RAB3GAP2: variants seen among roughly 807,000 people sequenced by gnomAD.
RAB3GAP2 encodes RAB3 GTPase activating non-catalytic protein subunit 2.
In RAB3GAP2, 87 loss-of-function variants were observed where a neutral mutation model predicts 185.3. That is an observed-to-expected ratio of 0.47 (90% CI 0.39 to 0.56). The LOEUF is 0.56. RAB3GAP2 is among the 20% of genes least tolerant of loss of function. The pLI is 0.00. For missense variants in RAB3GAP2, 1,492 were observed against 1,638.2 expected (o/e 0.91, Z 1.54); for synonymous variants, 554 against 576.1 (o/e 0.96, Z 0.55).
At chr1:220,166,413 G>T (rs1658063029) in intron 26 of RAB3GAP2, among the ~76,000 whole-genome samples, 2 of 152,174 alleles carry the variant, frequency 1.3e-5, no homozygotes, top group Admixed American at 1.3e-4. Flanking sequence ...GACTAAGGAG[G>T]TCTAAGTGAA....
chr1:220,185,518 C>T, intron 18 of RAB3GAP2, 133 bp downstream of exon 18: 1 of 646,656 alleles, frequency 1.5e-6, no homozygotes, highest in Non-Finnish European at 2.7e-6. Context: ...AAATAAGATT[C>T]TTAATTTCTT....
rs946596823 is a variant in RAB3GAP2, at chr1:220,172,176, G to A, written c.2417-127C>T. 13 of 887,504 alleles carry A rather than the reference G, an allele frequency of 1.5e-5. No individual in the cohort carries two copies. The Admixed American group carries it at 1.7e-4, about 12-fold the overall frequency. The allele number at this position is 887,504 out of a possible 1,614,324, so 55.0% of individuals were successfully genotyped here. On this transcript the variant is annotated intron_variant, in intron 22 of 34. Transcript: ENST00000358951. ...ATGTGTTTTTGTATTTCTCAATGAA[G>A]TGGAAGTCTAACAATCTATTTTATT... is the stretch of plus-strand genomic sequence containing the variant.
rs1658086676 is a variant in RAB3GAP2, at chr1:220,167,288, C to T, written c.3087+5G>A. The stretch of plus-strand genomic sequence containing the variant: ...ATAACATGAAAGAGGTAACGAGAAT[C>T]TTACCTCTGGATCTTTATTCCACTG... On this transcript the variant is annotated splice_donor_5th_base_variant and intron_variant, in intron 26 of 34. Coordinates refer to ENST00000358951, the MANE Select transcript of RAB3GAP2 (RefSeq NM_012414.4). 1.2e-6 allele frequency: 2 copies of T among 1,608,368 alleles called. No homozygotes were observed.
At chr1:220,203,706 G>A (rs1418253257) in intron 8 of RAB3GAP2, among the ~76,000 whole-genome samples, 1 of 152,118 alleles carries the variant, frequency 6.6e-6, no homozygotes, top group Admixed American at 6.5e-5. Flanking sequence ...TATTAATGGT[G>A]AGTATTTTAA....
Position 220,190,057 on chromosome 1 carries a change from T to C in RAB3GAP2, c.1714+7A>G. On this transcript the variant is annotated splice_region_variant and intron_variant, in intron 16 of 34. Coordinates refer to ENST00000358951, the MANE Select transcript of RAB3GAP2 (RefSeq NM_012414.4). ...ATGCTTTATTATTTGTATGAGAGAATACCTACCAAGATTGGGAGATTTTGT... is the reference window on the plus strand; with the variant it reads ...ATGCTTTATTATTTGTATGAGAGAACACCTACCAAGATTGGGAGATTTTGT... 6.3e-7 allele frequency: 1 copy of C among 1,584,770 alleles called. No individual in the cohort carries two copies. The highest frequency in any genetic ancestry group is 8.7e-7 in the Non-Finnish European group (1 of 1,153,516).
At chr1:220,157,915 A>C in intron 29 of RAB3GAP2, 39 bp from the exon 30 acceptor site, 7 of 1,488,296 alleles carry the variant, frequency 4.7e-6, no homozygotes, top group Non-Finnish European at 6.5e-6. Flanking sequence ...CCCTGCAGGA[A>C]AACTGCTATA....
intron 1 of RAB3GAP2, among the ~76,000 whole-genome samples, chr1:220,258,360 A>G (rs1660073355): frequency 6.6e-6 from 1 of 152,218 alleles, no homozygotes; most frequent in Non-Finnish European, 1.5e-5. Flanking sequence ...AATTGAATCC[A>G]GCATCACCTC....
Position 220,167,680 on chromosome 1 carries a change from A to G in RAB3GAP2, c.2807-5T>C. ...CTACACTGTCTGCAATGCCACCTAT[A>G]GTTTGGAGACAAGAAAGAAAATAAA... On this transcript the variant is annotated splice_region_variant and splice_polypyrimidine_tract_variant and intron_variant, in intron 24 of 34. Coordinates refer to ENST00000358951, the MANE Select transcript of RAB3GAP2 (RefSeq NM_012414.4). 1 of 1,613,300 alleles carries G rather than the reference A, an allele frequency of 6.2e-7. No individual in the cohort carries two copies. Among genetic ancestry groups the G allele is most frequent in the Non-Finnish European group, 8.5e-7 (1 of 1,179,802 alleles).
intron 1 of RAB3GAP2, among the ~76,000 whole-genome samples, chr1:220,242,956 A>C (rs1479071232): frequency 6.6e-6 from 1 of 152,226 alleles, no homozygotes; most frequent in African/African-American, 2.4e-5. Context: ...TCCCAATGAC[A>C]GAAAATACAC....
chr1:220,183,704 T>C (rs1483070082), intron 19 of RAB3GAP2, among the ~76,000 whole-genome samples: 1 of 152,172 alleles, frequency 6.6e-6, no homozygotes, highest in African/African-American at 2.4e-5. Flanking sequence ...AATAAAAACA[T>C]AGAAAAATAT....
intron 13 of RAB3GAP2, among the ~76,000 whole-genome samples, chr1:220,192,815 G>A (rs1304683508): frequency 2.6e-5 from 4 of 152,290 alleles, no homozygotes; most frequent in Middle Eastern, 3.4e-3. Context: ...TGACACACCA[G>A]GTGGATTGAC....
At chr1:220,237,368 G>T (rs1389076060) in intron 1 of RAB3GAP2, among the ~76,000 whole-genome samples, 2 of 152,192 alleles carry the variant, frequency 1.3e-5, no homozygotes, top group African/African-American at 4.8e-5. Context: ...AAATGACACT[G>T]TTATCAACTG....
intron 23 of RAB3GAP2, 123 bp downstream of exon 23, chr1:220,171,766 A>T: frequency 9.7e-7 from 1 of 1,032,500 alleles, no homozygotes; most frequent in Non-Finnish European, 1.5e-6. Context: ...TAAAGAAATT[A>T]AGGGGAGCAC....
chr1:220,265,025 T>G (rs190331386), intron 1 of RAB3GAP2, among the ~76,000 whole-genome samples: 19 of 152,228 alleles, frequency 1.2e-4, no homozygotes, highest in African/African-American at 4.6e-4. Context: ...AAATCTCAAT[T>G]TCCTCACTGG....
intron 12 of RAB3GAP2, 115 bp downstream of exon 12, chr1:220,194,963 G>T (rs745698788): frequency 4.8e-6 from 5 of 1,034,508 alleles, no homozygotes; most frequent in South Asian, 1.3e-5. Context: ...CCACTGTAAT[G>T]GCTTTCAGAA....
chr1:220,215,760 T>C (rs1258529892), intron 2 of RAB3GAP2, among the ~76,000 whole-genome samples: 1 of 152,182 alleles, frequency 6.6e-6, no homozygotes, highest in East Asian at 1.9e-4. Context: ...TTACAGCTTC[T>C]GGGTTTGATG....
At chr1:220,176,214 CATAAT>C (rs1375584974) in intron 21 of RAB3GAP2, among the ~76,000 whole-genome samples, 1 of 152,014 alleles carries the variant, frequency 6.6e-6, no homozygotes, top group Non-Finnish European at 1.5e-5. Flanking sequence ...TTACATTATT[CATAAT>C]ATATTTATAT....
intron 2 of RAB3GAP2, among the ~76,000 whole-genome samples, chr1:220,217,560 TTCTCCCA>T (rs369278029): frequency 1.1e-3 from 169 of 152,266 alleles, no homozygotes; most frequent in African/African-American, 3.8e-3. Context: ...GTGACTGCAT[TTCTCCCA>T]CACTAGATGA....
At position 220,153,956 on chromosome 1, in the gene RAB3GAP2, G is replaced by T. The variant is rs1261799641; in HGVS notation, c.3645+12C>A. On this transcript the variant is annotated intron_variant, in intron 32 of 34. Transcript: ENST00000358951. Reference sequence around the variant, plus strand: ...CAAGAAACAAAAACAAAATCCAATAGCTATAATTTACCTGTTGTCGTACAG... The same window carrying T: ...CAAGAAACAAAAACAAAATCCAATATCTATAATTTACCTGTTGTCGTACAG... 1 of 1,612,462 alleles carries T rather than the reference G, an allele frequency of 6.2e-7. No homozygotes were observed. The highest frequency in any genetic ancestry group is 2.2e-5 in the East Asian group (1 of 44,722).
Sources: allele counts gnomAD v4.1 joint callset (sites outside exome capture counted in the v4.1 genomes callset), GRCh38; gene constraint gnomAD v4.1.1; transcripts MANE v1.5; gene names NCBI Gene and HGNC (gene_info 2026-07-23, HGNC 2026-07-21).